The following SUGCT variants were observed in gnomAD, a reference collection of about 807,000 sequenced individuals.
SUGCT encodes succinyl-CoA:glutarate CoA-transferase.
SUGCT carries 41 observed loss-of-function variants against 55.0 expected under a neutral mutation model. That is an observed-to-expected ratio of 0.74 (90% confidence interval 0.58 to 0.97). The LOEUF (loss-of-function observed/expected upper bound fraction) is 0.97, where lower values mean the gene tolerates loss of function less well. Among genes scored for constraint, SUGCT ranks in the 50% least tolerant of loss-of-function variants. SUGCT has a pLI of 0.00. For missense variants in SUGCT, 568 were observed against 547.8 expected, an observed-to-expected ratio of 1.04 and a Z score of -0.37; for synonymous variants, 187 against 200.4, an observed-to-expected ratio of 0.93 and a Z score of 0.56.
At chr7:40,911,933 C>T in the SUGCT span, among the ~76,000 whole-genome samples, 1 of 152,082 alleles carries the variant, frequency 6.6e-6, no homozygotes, top group Non-Finnish European at 1.5e-5. Context: ...CAGGTGTCAG[C>T]TAATCATATA....
chr7:40,521,120 C>A (rs138912651), intron 12 of SUGCT, among the ~76,000 whole-genome samples: 1 of 152,038 alleles, frequency 6.6e-6, no homozygotes. Flanking sequence ...CCCAGCTAAA[C>A]CTCATGTTCA....
At chr7:40,942,720 C>T in the SUGCT span, among the ~76,000 whole-genome samples, 1 of 151,952 alleles carries the variant, frequency 6.6e-6, no homozygotes, top group Non-Finnish European at 1.5e-5. Context: ...GGATAATTTA[C>T]ATAATGCCAT....
rs555741829 is a variant in SUGCT, at chr7:40,257,885, T to A, written c.577-16628T>A. On this transcript the variant is annotated intron_variant, in intron 7 of 13. Coordinates refer to ENST00000335693, the MANE Select transcript of SUGCT (RefSeq NM_001193313.2). ...CAAGACTACGTCTCAGAAAAAAAAATAAATAAATAAAATTTAAGTATCATG... is the reference window on the plus strand; with the variant it reads ...CAAGACTACGTCTCAGAAAAAAAAAAAAATAAATAAAATTTAAGTATCATG... 1.1e-3 allele frequency among the ~76,000 whole-genome samples: 165 copies of A among 151,968 alleles called. 1 individual carries two copies. Among genetic ancestry groups the A allele is most frequent in the Middle Eastern group, 6.8e-3 (2 of 294 alleles).
intron 12 of SUGCT, among the ~76,000 whole-genome samples, chr7:40,564,422 C>G (rs1050761750): frequency 1.1e-4 from 17 of 152,134 alleles, no homozygotes; most frequent in African/African-American, 4.1e-4. Flanking sequence ...AATGCAACAT[C>G]TCAAACGATA....
intron 12 of SUGCT, among the ~76,000 whole-genome samples, chr7:40,554,124 T>C (rs1211567412): frequency 6.6e-6 from 1 of 152,238 alleles, no homozygotes; most frequent in Non-Finnish European, 1.5e-5. Context: ...TTTAATTCTT[T>C]GTGCTCAGCA....
intron 12 of SUGCT, among the ~76,000 whole-genome samples, chr7:40,687,711 G>GC (rs1784526701): frequency 6.6e-6 from 1 of 152,134 alleles, no homozygotes; most frequent in Non-Finnish European, 1.5e-5. Context: ...ACAGATCTCA[G>GC]TTCCTCAGTA....
At chr7:40,738,059 T>A (rs1787268739) in intron 12 of SUGCT, among the ~76,000 whole-genome samples, 1 of 151,712 alleles carries the variant, frequency 6.6e-6, no homozygotes, top group African/African-American at 2.4e-5. Flanking sequence ...AAGCTGGGTG[T>A]GGTGGTGTGC....
chr7:40,853,061 C>T (rs1479596436), intron 13 of SUGCT, among the ~76,000 whole-genome samples: 1 of 149,000 alleles, frequency 6.7e-6, no homozygotes, highest in East Asian at 2.0e-4. Context: ...CCCACAACCA[C>T]TCAGCACAAC....
chr7:40,204,563 A>G (rs1451656462), intron 6 of SUGCT, among the ~76,000 whole-genome samples: 3 of 151,870 alleles, frequency 2.0e-5, no homozygotes. Context: ...CGGCCTCCCA[A>G]AGTGCTGGGA....
chr7:40,240,229 A>C (rs1789288317), intron 7 of SUGCT, among the ~76,000 whole-genome samples: 1 of 152,146 alleles, frequency 6.6e-6, no homozygotes, highest in Admixed American at 6.5e-5. Context: ...CATGCTTGTA[A>C]TCCCAGCACT....
chr7:40,900,579 G>C, the SUGCT span, among the ~76,000 whole-genome samples: 442 of 152,306 alleles, frequency 2.9e-3, 1 homozygote, highest in South Asian at 6.0e-3. Flanking sequence ...TTTGTCAAAC[G>C]CATCGTCTGT....
chr7:40,267,223 G>T (rs1791648527), intron 7 of SUGCT, among the ~76,000 whole-genome samples: 1 of 151,882 alleles, frequency 6.6e-6, no homozygotes, highest in South Asian at 2.1e-4. Flanking sequence ...TGTCTTTATT[G>T]ATGACAGTCA....
the SUGCT span, among the ~76,000 whole-genome samples, chr7:40,999,190 G>A: frequency 3.1e-3 from 478 of 151,924 alleles, 5 homozygotes; most frequent in Non-Finnish European, 5.5e-3. Flanking sequence ...GGCCCTGCCT[G>A]AAGGACAGGC....
At chr7:40,973,637 C>T in the SUGCT span, among the ~76,000 whole-genome samples, 1 of 152,316 alleles carries the variant, frequency 6.6e-6, no homozygotes, top group Admixed American at 6.5e-5. Flanking sequence ...TGCGTCCTGG[C>T]AGTGGCTAGA....
chr7:40,350,117 C>T (rs1797536226), intron 9 of SUGCT, among the ~76,000 whole-genome samples: 1 of 151,784 alleles, frequency 6.6e-6, no homozygotes, highest in African/African-American at 2.4e-5. Flanking sequence ...GCTATAATAT[C>T]CTTTATTCTA....
rs531261890 is a variant in SUGCT at position 40,650,090 on chromosome 7, A to T, written c.1090-99344A>T. ...TTGAAATCAGGGTTCATTTCCTCAT[A>T]AGATGTTGGACTAAGGGCCTCAGTT... On this transcript the variant is annotated intron_variant, in intron 12 of 13. Transcript: ENST00000335693. Among the ~76,000 whole-genome samples, 206 of 152,236 alleles carry T rather than the reference A, an allele frequency of 1.4e-3. 1 individual carries two copies. The South Asian group carries it at 0.015, about 11-fold the overall frequency.
At chr7:40,321,884 G>A (rs141666585) in intron 9 of SUGCT, among the ~76,000 whole-genome samples, 112 of 152,258 alleles carry the variant, frequency 7.4e-4, no homozygotes, top group African/African-American at 2.4e-3. Context: ...ATAGTGCTGC[G>A]ATAAACATGT....
chr7:40,317,792 T>C (rs1397360779), intron 9 of SUGCT, among the ~76,000 whole-genome samples: 2 of 152,192 alleles, frequency 1.3e-5, no homozygotes, highest in African/African-American at 2.4e-5. Context: ...TTTTTTAAAA[T>C]CGGAATTTGA....
At chr7:40,474,688 G>A (rs2151476913) in intron 11 of SUGCT, among the ~76,000 whole-genome samples, 1 of 152,260 alleles carries the variant, frequency 6.6e-6, no homozygotes, top group Non-Finnish European at 1.5e-5. Context: ...AGCTCTGAGT[G>A]TCAGAAGACA....
Sources: allele counts gnomAD v4.1 joint callset (sites outside exome capture counted in the v4.1 genomes callset), GRCh38; gene constraint gnomAD v4.1.1; transcripts MANE v1.5; gene names NCBI Gene and HGNC (gene_info 2026-07-23, HGNC 2026-07-21).